Variants in APOB observed in about 807,000 individuals in gnomAD.
APOB encodes the protein apolipoprotein B, also known as apolipoprotein B-100.
In APOB, 153 loss-of-function variants were observed where a neutral mutation model predicts 314.1. That is an observed-to-expected ratio of 0.49 (90% CI 0.43 to 0.56). The LOEUF (loss-of-function observed/expected upper bound fraction) is 0.56, where lower values mean the gene tolerates loss of function less well. Among genes scored for constraint, APOB ranks in the 20% least tolerant of loss-of-function variants. APOB has a pLI of 0.00. For synonymous variants in APOB, 2,087 were observed against 2,036.4 expected, an observed-to-expected ratio of 1.02 and a Z score of -0.67; for missense variants, 5,430 against 5,350.7, an observed-to-expected ratio of 1.01 and a Z score of -0.46.
At position 21,023,850 on chromosome 2, in the gene APOB, A is replaced by G. The variant is rs917892721; in HGVS notation, c.2437-158T>C. 1.3e-5 allele frequency: 8 copies of G among 596,022 alleles called. No individual in the cohort carries two copies. In the African/African-American group the frequency reaches 1.5e-4, roughly 11 times the overall value. 36.9% of individuals were successfully genotyped at this position (596,022 alleles called of 1,614,324 possible). On this transcript the variant is annotated intron_variant, in intron 16 of 28. Coordinates refer to ENST00000233242, the MANE Select transcript of APOB (RefSeq NM_000384.3). ...TGAATAGTTTGATAAATAAAGATCA[A>G]ACTGATGTTTTTACCGTTTTCAGTG...
rs185275225 is a variant in APOB at position 21,023,765 on chromosome 2, A to G, written c.2437-73T>C. On this transcript the variant is annotated intron_variant, in intron 16 of 28. Coordinates refer to ENST00000233242, the MANE Select transcript of APOB (RefSeq NM_000384.3). ...TCGGTTTTGTTAATTACAACCTCCC[A>G]TACATTGGAGAGTAATTCCTCTTTA... 6 of 1,309,344 alleles carry G rather than the reference A, an allele frequency of 4.6e-6. No individual in the cohort carries two copies. The East Asian group carries it at 7.3e-5, about 16-fold the overall frequency. The allele number at this position is 1,309,344 out of a possible 1,614,324, so 81.1% of individuals were successfully genotyped here.
Position 21,002,434 on chromosome 2 carries a change from G to T in APOB, c.12988C>A (p.Gln4330Lys). 6.2e-7 allele frequency: 1 copy of T among 1,600,108 alleles called. No homozygotes were observed. ...MKFTYLINYI[Q>K]DEINTIFSDY... ...CTGAAGATTGTGTTGATCTCATCTT[G>T]GATATAATTAATAAGATAAGTAAAT... Residue 4330 changes from glutamine (Q) to lysine (K), a missense_variant, in exon 29 of 29, where the codon CAA becomes AAA. Physicochemically the swap from Gln to Lys is moderately conservative, Grantham distance 53. Transcript: ENST00000233242.
At position 21,002,270 on chromosome 2, in the gene APOB, A is replaced by G. The variant is rs1316023827; in HGVS notation, c.13152T>C (p.Leu4384=). 1 of 1,614,022 alleles carries G rather than the reference A, an allele frequency of 6.2e-7. No individual in the cohort carries two copies. Among genetic ancestry groups the G allele is most frequent in the South Asian group, 1.1e-5 (1 of 91,084 alleles). Residue 4384 remains leucine, a synonymous_variant, in exon 29 of 29, where the codon CTT becomes CTC. Transcript: ENST00000233242. ...LQQIHQYIMA[L]REEYFDPSIV... ...TACTTGGATCAAAATATTCTTCACGAAGGGCCATAATGTATTGATGGATCT... is the reference window on the plus strand; with the variant it reads ...TACTTGGATCAAAATATTCTTCACGGAGGGCCATAATGTATTGATGGATCT...
In APOB at chr2:21,032,556, G is replaced by T; in HGVS notation, c.1150C>A (p.Gln384Lys). 1 of 1,614,100 alleles carries T rather than the reference G, an allele frequency of 6.2e-7. No individual in the cohort carries two copies. Among genetic ancestry groups the T allele is most frequent in the Middle Eastern group, 1.6e-4 (1 of 6,062 alleles). ...SSPITLQALVQCGQPQCSTHI... is the reference protein window; with the variant it reads ...SSPITLQALVKCGQPQCSTHI... ...GTGGAGCACTGAGGCTGTCCACACT[G>T]AACCAAGGCTTGTAAAGTGATGGGG... is the stretch of plus-strand genomic sequence containing the variant. Residue 384 changes from glutamine to lysine, a missense_variant, in exon 10 of 29, where the codon CAG (glutamine) becomes AAG (lysine). Physicochemically the swap from Gln to Lys is moderately conservative, Grantham distance 53. Transcript: ENST00000233242.
chr2:21,009,172 C>G lies in APOB; in HGVS notation c.7696G>C (p.Glu2566Gln). 1 of 1,614,092 alleles carries G rather than the reference C, an allele frequency of 6.2e-7. No individual in the cohort carries two copies. Among genetic ancestry groups the G allele is most frequent in the Non-Finnish European group, 8.5e-7 (1 of 1,179,966 alleles). The change falls in exon 26 of 29, where the codon GAG becomes CAG. Residue 2566 changes from glutamate to glutamine, a missense_variant. Coordinates refer to ENST00000233242, the MANE Select transcript of APOB (RefSeq NM_000384.3). ...LAAKNLTDFA[E>Q]QYSIQDWAKR... is the part of the protein sequence containing the mutation. ...GCCCAATCTTGGATAGAATATTGCT[C>G]TGCAAAGTCAGTAAGGTTCTTAGCA...
chr2:21,014,099 T>C (rs1406197015), intron 24 of APOB, among the ~76,000 whole-genome samples: 3 of 152,224 alleles, frequency 2.0e-5, no homozygotes, highest in Admixed American at 6.5e-5. Context: ...ATGGCTGTTC[T>C]GACTCTCTCT....
At position 21,001,732 on chromosome 2, in the gene APOB, A is replaced by G; in HGVS notation, c.13690T>C (p.Ter4564GlnextTer14). Residue 4564 changes from the stop codon to glutamine (Q), a stop_lost, in exon 29 of 29, where the codon TAA (stop) becomes CAA (glutamine). Transcript: ENST00000233242. The part of the protein sequence containing the change: ...LAPGELTIIL[*>Q] ...AAATGAAGATTTCTTTTAAAAAATT[A>G]GAGGATGATAGTAAGTTCTCCTGGA... 6.2e-7 allele frequency: 1 copy of G among 1,613,572 alleles called. No homozygotes were observed. Among genetic ancestry groups the G allele is most frequent in the South Asian group, 1.1e-5 (1 of 91,000 alleles).
Position 21,033,422 on chromosome 2 carries a change from T to G in APOB, c.1001A>C (p.Lys334Thr), listed in dbSNP as rs1373621190. 4 of 1,614,172 alleles carry G rather than the reference T, an allele frequency of 2.5e-6. No homozygotes were observed. In the South Asian group the frequency reaches 3.3e-5, roughly 13 times the overall value. Residue 334 changes from lysine (K) to threonine (T), a missense_variant, in exon 9 of 29, where the codon AAA (lysine) becomes ACA (threonine). Physicochemically the swap from Lys to Thr is moderately conservative, Grantham distance 78. This residue lies in a region of APOB where 2,085 missense variants were observed against 2,079.7 expected (regional missense o/e 1.00). Coordinates refer to ENST00000233242, the MANE Select transcript of APOB (RefSeq NM_000384.3). ...GATATTTTGCTCAGAGATGGTTAGT[T>G]TTTTCAGTTCCTGGAGAGTCTTCAA... is the stretch of plus-strand genomic sequence containing the variant. ...AVLKTLQELK[K>T]LTISEQNIQR...
Position 21,029,960 on chromosome 2 carries a change from G to A in APOB, c.1408C>T (p.Leu470=), listed in dbSNP as rs752762799. 12 of 1,614,062 alleles carry A rather than the reference G, an allele frequency of 7.4e-6. No individual in the cohort carries two copies. Among genetic ancestry groups the A allele is most frequent in the South Asian group, 6.6e-5 (6 of 91,088 alleles). Residue 470 remains leucine, a synonymous_variant, in exon 11 of 29, where the codon CTG becomes TTG. Coordinates refer to ENST00000233242, the MANE Select transcript of APOB (RefSeq NM_000384.3). ...TQELLDIANY[L]MEQIQDDCTG... is the part of the protein sequence containing the mutation. The stretch of plus-strand genomic sequence containing the variant: ...CAGTCATCTTGAATCTGTTCCATCA[G>A]GTAATTAGCAATGTCCAGCAGCTCC...
rs1553383600 is a variant in APOB, at chr2:21,009,896, A to G, written c.6972T>C (p.Leu2324=). 6 of 1,613,996 alleles carry G rather than the reference A, an allele frequency of 3.7e-6. No individual in the cohort carries two copies. The highest frequency in any genetic ancestry group is 4.5e-5 in the East Asian group (2 of 44,850). Residue 2324 remains leucine (L), a synonymous_variant, in exon 26 of 29, where the codon CTT becomes CTC. Transcript: ENST00000233242. ...LEHVKHFVIN[L]IGDFEVAEKI... is the part of the protein sequence containing the mutation. Reference sequence around the variant, plus strand: ...TCTCAGCTACTTCAAAATCCCCAATAAGATTTATAACAAAGTGTTTGACAT... The same window carrying G: ...TCTCAGCTACTTCAAAATCCCCAATGAGATTTATAACAAAGTGTTTGACAT...
intron 8 of APOB, among the ~76,000 whole-genome samples, chr2:21,034,018 G>T (rs1226793553): frequency 2.6e-4 from 40 of 152,214 alleles, no homozygotes; most frequent in Non-Finnish European, 1.2e-4. Flanking sequence ...GGTTACAACT[G>T]GGACCAGGCA....
rs1558565383 is a variant in APOB at position 21,011,867 on chromosome 2, C to T, written c.5001G>A (p.Leu1667=). ...TTNLKCSLLV[L]ENELNAELGL... is the part of the protein sequence containing the mutation. ...CAAGCTCTGCATTCAGCTCATTCTC[C>T]AGCACCAGGAGACTACACTTCAAGT... Residue 1667 remains leucine (L), a synonymous_variant, in exon 26 of 29, where the codon CTG becomes CTA. Transcript: ENST00000233242. The T allele has an allele frequency of 3.1e-6, 5 of 1,614,078 alleles. No homozygotes were observed. Among genetic ancestry groups the T allele is most frequent in the Non-Finnish European group, 3.4e-6 (4 of 1,180,026 alleles).
Position 21,005,327 on chromosome 2 carries a change from G to T in APOB, c.11541C>A (p.Ile3847=). Residue 3847 remains isoleucine, a synonymous_variant, in exon 26 of 29, where the codon ATC becomes ATA. Transcript: ENST00000233242. Reference sequence around the variant, plus strand: ...TGATGGTGGGCAACTCAAAGTCTGCGATCTTGTTGGCTACTGCATTTAGAT... The same window carrying T: ...TGATGGTGGGCAACTCAAAGTCTGCTATCTTGTTGGCTACTGCATTTAGAT... ...ALDLNAVANK[I]ADFELPTIIV... is the part of the protein sequence containing the mutation. 1 of 1,614,062 alleles carries T rather than the reference G, an allele frequency of 6.2e-7. No individual in the cohort carries two copies. The highest frequency in any genetic ancestry group is 8.5e-7 in the Non-Finnish European group (1 of 1,179,972).
In APOB at chr2:21,001,970, C is replaced by G; in HGVS notation, c.13452G>C (p.Thr4484=). 1 of 1,613,954 alleles carries G rather than the reference C, an allele frequency of 6.2e-7. No homozygotes were observed. Among genetic ancestry groups the G allele is most frequent in the South Asian group, 1.1e-5 (1 of 91,076 alleles). The part of the protein sequence containing the change: ...QEIIKSQAIA[T]KKIISDYHQQ... The stretch of plus-strand genomic sequence containing the variant: ...GGTGGTAATCAGAAATTATTTTCTT[C>G]GTCGCAATGGCCTGGCTTTTAATTA... The change falls in exon 29 of 29, where the codon ACG becomes ACC. Residue 4484 remains threonine, a synonymous_variant. Coordinates refer to ENST00000233242, the MANE Select transcript of APOB (RefSeq NM_000384.3).
intron 20 of APOB, among the ~76,000 whole-genome samples, chr2:21,017,883 C>T (rs1180646200): frequency 1.3e-5 from 2 of 152,142 alleles, no homozygotes; most frequent in African/African-American, 4.8e-5. Flanking sequence ...ATATGCTATC[C>T]CTATATAAAA....
At chr2:21,017,202 G>A (rs957490917) in intron 20 of APOB, among the ~76,000 whole-genome samples, 2 of 151,562 alleles carry the variant, frequency 1.3e-5, no homozygotes, top group African/African-American at 4.9e-5. Flanking sequence ...AAACTCAGTT[G>A]TGTTCATGTA....
intron 4 of APOB, 21 bp from the exon 5 acceptor site, chr2:21,038,132 T>C (rs1442876978): frequency 1.2e-6 from 2 of 1,613,190 alleles, no homozygotes; most frequent in Non-Finnish European, 1.7e-6. Flanking sequence ...GAGAGGATGG[T>C]CACGGAAATG....
intron 14 of APOB, 66 bp from the exon 15 acceptor site, chr2:21,027,030 C>T: frequency 6.9e-7 from 1 of 1,453,472 alleles, no homozygotes; most frequent in Non-Finnish European, 9.6e-7. Flanking sequence ...CCTAGTAGTC[C>T]CCACTCTTGA....
At chr2:21,019,694 T>C (rs1423654038) in intron 19 of APOB, 29 bp downstream of exon 19, 8 of 1,610,976 alleles carry the variant, frequency 5.0e-6, no homozygotes, top group African/African-American at 1.3e-5. Context: ...GGTGAGAAAA[T>C]GCTGGGTCAG....
Sources: allele counts gnomAD v4.1 joint callset (sites outside exome capture counted in the v4.1 genomes callset), GRCh38; gene constraint gnomAD v4.1.1; regional missense constraint gnomAD v4.1.1; transcripts MANE v1.5; gene names NCBI Gene and HGNC (gene_info 2026-07-23, HGNC 2026-07-21).